UBA6: variants seen among roughly 807,000 people sequenced by gnomAD.
UBA6 encodes ubiquitin-like modifier-activating enzyme 6.
UBA6 carries 87 observed loss-of-function variants against 148.3 expected under a neutral mutation model. The observed-to-expected ratio is 0.59, with a 90% CI of 0.49 to 0.70. UBA6 has a LOEUF of 0.70. Ranked by LOEUF, UBA6 falls within the 30% of genes least tolerant of loss-of-function variation. The probability of loss-of-function intolerance (pLI) is 0.00; values close to 1 mark genes in which losing one functional copy is unlikely to be tolerated. For synonymous variants in UBA6, 376 were observed against 401.0 expected (o/e 0.94, Z 0.75); for missense variants, 1,186 against 1,241.2 (o/e 0.96, Z 0.67).
chr4:67,639,688 A>G (rs1396844159), intron 18 of UBA6, among the ~76,000 whole-genome samples: 1 of 152,210 alleles, frequency 6.6e-6, no homozygotes. Flanking sequence ...AACTACAGAC[A>G]GTACCAAACC....
intron 10 of UBA6, among the ~76,000 whole-genome samples, chr4:67,664,524 T>C (rs1247849576): frequency 2.0e-5 from 3 of 152,164 alleles, no homozygotes; most frequent in Admixed American, 6.5e-5. Context: ...AAGACAATTA[T>C]GTTAAAACCT....
chr4:67,691,344 T>C (rs1730689583), intron 2 of UBA6, among the ~76,000 whole-genome samples: 4 of 152,190 alleles, frequency 2.6e-5, no homozygotes, highest in Admixed American at 1.3e-4. Flanking sequence ...TTAAGAGGAA[T>C]GTAAACAGAT....
At chr4:67,667,564 TAC>T (rs906953906) in intron 9 of UBA6, among the ~76,000 whole-genome samples, 2 of 126,606 alleles carry the variant, frequency 1.6e-5, no homozygotes, top group Admixed American at 7.8e-5. Flanking sequence ...ATAAACTAAA[TAC>T]AGTTATATTT....
intron 8 of UBA6, among the ~76,000 whole-genome samples, chr4:67,669,222 A>C (rs765565996): frequency 3.9e-5 from 6 of 152,232 alleles, no homozygotes; most frequent in Non-Finnish European, 8.8e-5. Context: ...TTTGGAATTT[A>C]TTCTCTGTGT....
chr4:67,680,423 T>C (rs541325730), intron 4 of UBA6, among the ~76,000 whole-genome samples: 17 of 152,244 alleles, frequency 1.1e-4, no homozygotes, highest in Middle Eastern at 3.4e-3. Context: ...GAAATACACA[T>C]GTAGAAATAC....
rs766047688 is a variant in UBA6 at position 67,701,096 on chromosome 4, G to T, written c.24C>A (p.Ala8=). ...AGGACGCCTCTTCCCCCTGATGGGC[G>T]GCCACAGGCTCGGATCCTTCCATTG... is the stretch of plus-strand genomic sequence containing the variant. The part of the protein sequence containing the change: MEGSEPV[A]AHQGEEASCS... Residue 8 remains alanine, a synonymous_variant, in exon 1 of 33, where the codon GCC becomes GCA. Transcript: ENST00000322244. 3.7e-6 allele frequency: 6 copies of T among 1,613,712 alleles called. No homozygotes were observed. Among genetic ancestry groups the T allele is most frequent in the South Asian group, 3.3e-5 (3 of 91,088 alleles).
intron 19 of UBA6, among the ~76,000 whole-genome samples, chr4:67,637,338 A>G (rs1221422621): frequency 1.4e-5 from 2 of 147,004 alleles, no homozygotes; most frequent in Middle Eastern, 3.7e-3. Context: ...CCACCTGGCC[A>G]GCTGCCCCGT....
chr4:67,663,200 G>C lies in UBA6; in HGVS notation c.976C>G (p.His326Asp), dbSNP rs746267860. Residue 326 changes from histidine to aspartate, a missense_variant, in exon 12 of 33, where the codon CAC becomes GAC. His to Asp is a moderately conservative substitution (Grantham distance 81, BLOSUM62 -1). Coordinates refer to ENST00000322244, the MANE Select transcript of UBA6 (RefSeq NM_018227.6). ...TGGTCCAAGGCAAGCATAGCTGTGTGAATCTCTAAAGGTGCCTATTGAGAA... is the reference window on the plus strand; with the variant it reads ...TGGTCCAAGGCAAGCATAGCTGTGTCAATCTCTAAAGGTGCCTATTGAGAA... Reference protein sequence around the residue: ...FSNPEAPLEIHTAMLALDQFQ... With the variant: ...FSNPEAPLEIDTAMLALDQFQ... 7 of 1,611,014 alleles carry C rather than the reference G, an allele frequency of 4.3e-6. No individual in the cohort carries two copies.
intron 2 of UBA6, among the ~76,000 whole-genome samples, chr4:67,695,408 T>A (rs1730810309): frequency 6.6e-6 from 1 of 152,218 alleles, no homozygotes; most frequent in Non-Finnish European, 1.5e-5. Context: ...TAAGCCTCTA[T>A]TAAAATATTG....
Position 67,677,607 on chromosome 4 carries a change from TA to T in UBA6, c.465+3del. The T allele has an allele frequency of 6.9e-7, 1 of 1,443,642 alleles. No individual in the cohort carries two copies. The highest frequency in any genetic ancestry group is 9.7e-7 in the Non-Finnish European group (1 of 1,035,300). 89.4% of individuals were successfully genotyped at this position (1,443,642 alleles called of 1,614,324 possible). ...TAACATTTAATACAAAATGGAGTAC[TA>T]ACCTGGTATTTATCTAAAAAGGAGA... On this transcript the variant is annotated splice_donor_region_variant and intron_variant, in intron 6 of 32. Coordinates refer to ENST00000322244, the MANE Select transcript of UBA6 (RefSeq NM_018227.6).
intron 9 of UBA6, 79 bp from the exon 10 acceptor site, chr4:67,665,371 T>G: frequency 5.1e-6 from 4 of 790,342 alleles, no homozygotes; most frequent in Non-Finnish European, 8.1e-6. Context: ...CATAAGAGGT[T>G]AATTATCCCT....
At position 67,673,704 on chromosome 4, in the gene UBA6, G is replaced by A. The variant is rs1730205665; in HGVS notation, c.539C>T (p.Pro180Leu). The A allele has an allele frequency of 1.2e-6, 2 of 1,607,756 alleles. No homozygotes were observed. The highest frequency in any genetic ancestry group is 8.5e-7 in the Non-Finnish European group (1 of 1,175,298). ...ACTAAATGATACAATTACCTTAATT[G>A]GAGGGCACTGAGAACGGCAAAAGTC... ...INDFCRSQCP[P>L]IKFISADVHG... The change falls in exon 7 of 33, where the codon CCA (proline) becomes CTA (leucine). Residue 180 changes from proline (P) to leucine (L), a missense_variant. Transcript: ENST00000322244.
rs1390452159 is a variant in UBA6, at chr4:67,613,072, T to C, written c.*5925A>G. On this transcript the variant is annotated 3_prime_UTR_variant, in exon 33 of 33. Transcript: ENST00000322244. ...ACCATGCTTTGAAACCCTGAATGGT[T>C]GAACCCTAGAAATAAGGATGAACAG... 1 of 152,184 alleles carries C rather than the reference T, an allele frequency of 6.6e-6. No individual in the cohort carries two copies. The highest frequency in any genetic ancestry group is 1.5e-5 in the Non-Finnish European group (1 of 68,020). The allele number at this position is 152,184 out of a possible 1,614,324, so 9.4% of individuals were successfully genotyped here. A position where few individuals can be genotyped will look rare whatever the true frequency, so the allele number is the denominator to read the frequency against.
intron 7 of UBA6, among the ~76,000 whole-genome samples, chr4:67,671,811 T>C (rs1309774631): frequency 1.3e-5 from 2 of 152,280 alleles, no homozygotes; most frequent in South Asian, 2.1e-4. Flanking sequence ...AGGTTAGTAA[T>C]GAATTCAATT....
chr4:67,663,192 A>G lies in UBA6; in HGVS notation c.984T>C (p.Ala328=). 1 of 1,611,630 alleles carries G rather than the reference A, an allele frequency of 6.2e-7. No homozygotes were observed. Among genetic ancestry groups the G allele is most frequent in the Non-Finnish European group, 8.5e-7 (1 of 1,179,096 alleles). ...NPEAPLEIHT[A]MLALDQFQEK... ...CCTGAAACTGGTCCAAGGCAAGCATAGCTGTGTGAATCTCTAAAGGTGCCT... is the reference window on the plus strand; with the variant it reads ...CCTGAAACTGGTCCAAGGCAAGCATGGCTGTGTGAATCTCTAAAGGTGCCT... The change falls in exon 12 of 33, where the codon GCT becomes GCC. Residue 328 remains alanine, a synonymous_variant. Coordinates refer to ENST00000322244, the MANE Select transcript of UBA6 (RefSeq NM_018227.6).
intron 9 of UBA6, among the ~76,000 whole-genome samples, chr4:67,667,211 T>C (rs760831284): frequency 2.0e-4 from 31 of 152,280 alleles, no homozygotes; most frequent in Non-Finnish European, 1.6e-4. Flanking sequence ...AAAACAGATA[T>C]ATTATTTAAT....
At position 67,616,763 on chromosome 4, in the gene UBA6, A is replaced by T. The variant is rs1017559385; in HGVS notation, c.*2234T>A. ...CTCACAAAATAAACAGCAAAATCAG[A>T]ATCTCTGGAGTCAACTTATGAAACA... On this transcript the variant is annotated 3_prime_UTR_variant, in exon 33 of 33. Transcript: ENST00000322244. 1 of 152,132 alleles carries T rather than the reference A, an allele frequency of 6.6e-6. No individual in the cohort carries two copies. Among genetic ancestry groups the T allele is most frequent in the East Asian group, 1.9e-4 (1 of 5,198 alleles). The allele number at this position is 152,132 out of a possible 1,614,324, so 9.4% of individuals were successfully genotyped here. A position where few individuals can be genotyped will look rare whatever the true frequency, so the allele number is the denominator to read the frequency against.
At chr4:67,625,923 T>TG (rs1226131280) in intron 28 of UBA6, among the ~76,000 whole-genome samples, 1 of 151,952 alleles carries the variant, frequency 6.6e-6, no homozygotes, top group African/African-American at 2.4e-5. Flanking sequence ...ACCTAATTAC[T>TG]AAAGACTAAG....
At chr4:67,674,151 A>C (rs1730219381) in intron 6 of UBA6, among the ~76,000 whole-genome samples, 1 of 152,224 alleles carries the variant, frequency 6.6e-6, no homozygotes. Context: ...CTAGCTTAAA[A>C]ACCTGACAAC....
Sources: gnomAD v4.1 joint callset for allele counts (sites outside exome capture counted in the v4.1 genomes callset) on GRCh38, gnomAD v4.1.1 for gene constraint, MANE v1.5 for transcripts, NCBI Gene and HGNC (gene_info 2026-07-23, HGNC 2026-07-21) for gene names.